KSR2: variants seen among roughly 807,000 people sequenced by gnomAD.
KSR2 encodes the protein kinase suppressor of ras 2.
A neutral mutation model predicts 107.8 loss-of-function variants in KSR2; 25 were observed. The ratio of observed to expected loss-of-function variants is 0.23; its 90% CI spans 0.17 to 0.32. KSR2 has a LOEUF of 0.32. Among genes scored for constraint, KSR2 ranks in the 10% least tolerant of loss-of-function variants. KSR2 has a pLI of 1.00. For missense variants in KSR2, 887 were observed against 1,268.9 expected, an observed-to-expected ratio of 0.70 and a Z score of 4.57; for synonymous variants, 480 against 507.0, an observed-to-expected ratio of 0.95 and a Z score of 0.71.
chr12:117,676,270 G>A (rs559996883), intron 4 of KSR2, among the ~76,000 whole-genome samples: 9 of 152,100 alleles, frequency 5.9e-5, no homozygotes, highest in East Asian at 1.9e-4. Flanking sequence ...ATCAACCAGC[G>A]TCCTGGCAAA....
At chr12:117,524,789 T>C (rs1565883265) in intron 14 of KSR2, 63 bp downstream of exon 14, 2 of 1,537,414 alleles carry the variant, frequency 1.3e-6, no homozygotes, top group Non-Finnish European at 1.7e-6. Context: ...AGAAAACCAT[T>C]TCTCAACCAT....
At chr12:117,945,172 A>G (rs190350749) in intron 1 of KSR2, among the ~76,000 whole-genome samples, 66 of 152,290 alleles carry the variant, frequency 4.3e-4, no homozygotes, top group African/African-American at 1.5e-3. Flanking sequence ...TAGAGAGAAA[A>G]TCAGCAAGGA....
At chr12:117,475,218 A>G (rs1488966094) in intron 17 of KSR2, among the ~76,000 whole-genome samples, 3 of 152,164 alleles carry the variant, frequency 2.0e-5, no homozygotes, top group African/African-American at 7.2e-5. Context: ...CCAGAGTTTA[A>G]TAACCATCAA....
chr12:117,803,598 T>C (rs933941503), intron 3 of KSR2, among the ~76,000 whole-genome samples: 3 of 151,858 alleles, frequency 2.0e-5, no homozygotes, highest in African/African-American at 7.3e-5. Context: ...AGCTACTCGG[T>C]AGGCTGAGGC....
At chr12:117,572,718 A>G (rs535677940) in intron 7 of KSR2, among the ~76,000 whole-genome samples, 60 of 149,756 alleles carry the variant, frequency 4.0e-4, no homozygotes, top group Non-Finnish European at 6.8e-4. Context: ...AAAAAAAAAG[A>G]GAAAAGAAAA....
At chr12:117,727,450 AAGG>A (rs1887476908) in intron 4 of KSR2, among the ~76,000 whole-genome samples, 1 of 143,478 alleles carries the variant, frequency 7.0e-6, no homozygotes, top group African/African-American at 2.5e-5. Flanking sequence ...GGAGGAACAA[AAGG>A]AGGAGGAAGA....
At chr12:117,896,891 C>G (rs1254841969) in intron 1 of KSR2, among the ~76,000 whole-genome samples, 1 of 152,160 alleles carries the variant, frequency 6.6e-6, no homozygotes, top group Non-Finnish European at 1.5e-5. Flanking sequence ...GGAATGCAGT[C>G]TCCATCTTTA....
At chr12:117,847,268 G>A (rs16948000) in intron 3 of KSR2, among the ~76,000 whole-genome samples, 29,473 of 152,202 alleles carry the variant, frequency 0.19, 3,077 homozygotes, top group Admixed American at 0.29. Context: ...AAGGAAGACC[G>A]TACGGTGGCA....
At chr12:117,478,610 TA>T (rs1414515366) in intron 16 of KSR2, among the ~76,000 whole-genome samples, 2 of 152,102 alleles carry the variant, frequency 1.3e-5, no homozygotes, top group Middle Eastern at 3.4e-3. Context: ...AATTTTATTT[TA>T]TTTTTTTTTA....
At chr12:117,563,143 T>C (rs1592996430) in intron 7 of KSR2, among the ~76,000 whole-genome samples, 2 of 152,282 alleles carry the variant, frequency 1.3e-5, no homozygotes, top group East Asian at 3.9e-4. Flanking sequence ...AAGAAAGAGC[T>C]ACTAGCGTGT....
intron 4 of KSR2, among the ~76,000 whole-genome samples, chr12:117,742,808 A>G (rs527935011): frequency 6.6e-6 from 1 of 152,350 alleles, no homozygotes; most frequent in African/African-American, 2.4e-5. Context: ...GCAGAAAAAG[A>G]AGACTTGTCA....
At chr12:117,776,298 T>C (rs546627900) in intron 3 of KSR2, among the ~76,000 whole-genome samples, 2 of 152,300 alleles carry the variant, frequency 1.3e-5, no homozygotes, top group South Asian at 2.1e-4. Context: ...TCATCATTCA[T>C]TGGACATTTT....
chr12:117,636,370 T>C (rs970004397), intron 5 of KSR2, among the ~76,000 whole-genome samples: 1 of 148,500 alleles, frequency 6.7e-6, no homozygotes, highest in African/African-American at 2.5e-5. Context: ...TGGATATATG[T>C]ATATGGAGAT....
rs2137416009 is a variant in KSR2, at chr12:117,907,328, A to G, written c.181-46897T>C. Among the ~76,000 whole-genome samples the G allele has an allele frequency of 1.3e-5, 2 of 152,110 alleles. No individual in the cohort carries two copies. Among genetic ancestry groups the G allele is most frequent in the Admixed American group, 1.3e-4 (2 of 15,260 alleles). ...GACGCCACAGAGATGAAACAGGTGC[A>G]CTCTCTTTGAGCCAGGATTTATAAA... On this transcript the variant is annotated intron_variant, in intron 1 of 19. Coordinates refer to ENST00000339824, the MANE Select transcript of KSR2 (RefSeq NM_173598.6). The surrounding 1 kb of genome is among the most constrained non-coding windows in gnomAD (Gnocchi z 4.3).
At chr12:117,939,257 TG>T (rs1434943077) in intron 1 of KSR2, among the ~76,000 whole-genome samples, 5 of 152,228 alleles carry the variant, frequency 3.3e-5, no homozygotes, top group Non-Finnish European at 7.3e-5. Context: ...AAACATATAT[TG>T]AAATGTATTG....
intron 1 of KSR2, among the ~76,000 whole-genome samples, chr12:117,951,001 G>A (rs11068759): frequency 0.1 from 15,405 of 151,686 alleles, 1,017 homozygotes; most frequent in Admixed American, 0.15. Context: ...GTAAGCTCCC[G>A]GATTCATGCC....
intron 4 of KSR2, among the ~76,000 whole-genome samples, chr12:117,707,897 C>T: frequency 6.6e-6 from 1 of 152,102 alleles, no homozygotes; most frequent in Non-Finnish European, 1.5e-5. Context: ...GTAGTATTTC[C>T]CCTAGGGTGA....
intron 1 of KSR2, among the ~76,000 whole-genome samples, chr12:117,924,772 C>A (rs1309275365): frequency 6.6e-6 from 1 of 151,948 alleles, no homozygotes; most frequent in African/African-American, 2.4e-5. Flanking sequence ...GAACCAAATG[C>A]AATGTAAGAA....
chr12:117,673,764 C>T (rs1885010867), intron 4 of KSR2, among the ~76,000 whole-genome samples: 2 of 152,288 alleles, frequency 1.3e-5, no homozygotes, highest in Middle Eastern at 3.4e-3. Context: ...TGCAATATAT[C>T]TCACAGATGC....
Sources: gnomAD v4.1 joint callset for allele counts (sites outside exome capture counted in the v4.1 genomes callset) on GRCh38, gnomAD v4.1.1 for gene constraint, Gnocchi (gnomAD v3.1) non-coding constraint, MANE v1.5 for transcripts, NCBI Gene and HGNC (gene_info 2026-07-23, HGNC 2026-07-21) for gene names.